The following UBA5 variants were observed in gnomAD, a reference collection of about 807,000 sequenced individuals.
UBA5 encodes the protein ubiquitin like modifier activating enzyme 5.
In UBA5, 28 loss-of-function variants were observed where a neutral mutation model predicts 52.9. The observed-to-expected ratio is 0.53, with a 90% confidence interval of 0.39 to 0.73. The LOEUF (loss-of-function observed/expected upper bound fraction) is 0.73, where lower values mean the gene tolerates loss of function less well. Ranked by LOEUF, UBA5 falls within the 30% of genes least tolerant of loss-of-function variation. The pLI is 0.00. For missense variants in UBA5, 388 were observed against 492.7 expected, an observed-to-expected ratio of 0.79 and a Z score of 2.01; for synonymous variants, 135 against 162.1, an observed-to-expected ratio of 0.83 and a Z score of 1.27.
At chr3:132,655,048 T>A (rs916947695) in intron 1 of UBA5, among the ~76,000 whole-genome samples, 1 of 152,114 alleles carries the variant, frequency 6.6e-6, no homozygotes, top group Non-Finnish European at 1.5e-5. Context: ...CATTTAAACA[T>A]AGAAAAGGTA....
chr3:132,665,543 T>G (rs940832982), intron 1 of UBA5, among the ~76,000 whole-genome samples: 2 of 152,108 alleles, frequency 1.3e-5, no homozygotes, highest in African/African-American at 4.8e-5. Context: ...ACTTTGACCC[T>G]TAACATTTAA....
Position 132,660,913 on chromosome 3 carries a change from G to T in UBA5, c.161+215G>T. ...AAAACCTCCAGTGAGTCAGCCATATGGTGCTGCTCCTGTGCCTGCTGAGGA... is the reference window on the plus strand; with the variant it reads ...AAAACCTCCAGTGAGTCAGCCATATTGTGCTGCTCCTGTGCCTGCTGAGGA... On this transcript the variant is annotated intron_variant, in intron 1 of 11. Coordinates refer to ENST00000356232, the MANE Select transcript of UBA5 (RefSeq NM_024818.6). The surrounding 1 kb of genome is among the most constrained non-coding windows in gnomAD (Gnocchi z 4.1). The T allele has an allele frequency of 6.8e-7, 1 of 1,471,704 alleles. No homozygotes were observed. The highest frequency in any genetic ancestry group is 9.0e-7 in the Non-Finnish European group (1 of 1,114,492). 91.2% of individuals were successfully genotyped at this position (1,471,704 alleles called of 1,614,324 possible).
intron 1 of UBA5, among the ~76,000 whole-genome samples, chr3:132,663,523 G>C (rs1376223810): frequency 2.0e-5 from 3 of 152,102 alleles, no homozygotes; most frequent in Non-Finnish European, 4.4e-5. Context: ...TCCAACAGCT[G>C]ATCGTGGGGT....
chr3:132,675,377 AT>A lies in UBA5; in HGVS notation c.943del (p.Tyr315IlefsTer5). 6.2e-7 allele frequency: 1 copy of A among 1,613,526 alleles called. No homozygotes were observed. Among genetic ancestry groups the A allele is most frequent in the Non-Finnish European group, 8.5e-7 (1 of 1,179,720 alleles). ...DRNCRKQQEEYKKKVAALPKQ... is the reference protein window; with the variant it reads ...DRNCRKQQEEXKKKVAALPKQ... ...GAAATTGCAGGAAGCAGCAGGAGGA[AT>A]ATAAGGTATATGACAATCTGTTAGA... On this transcript the variant is annotated frameshift_variant, in exon 9 of 12. Transcript: ENST00000356232. LOFTEE classifies it high-confidence loss of function.
rs145658118 is a variant in UBA5, at chr3:132,673,873, C to T, written c.813-1375C>T. ...GTAGAAACAAAGTCTCCTTGTTTTC[C>T]AGGCTGGTCTTGAACTCCTGGGCTC... On this transcript the variant is annotated intron_variant, in intron 8 of 11. Transcript: ENST00000356232. 1.2e-3 allele frequency among the ~76,000 whole-genome samples: 183 copies of T among 152,196 alleles called. 1 individual carries two copies. The highest frequency in any genetic ancestry group is 3.8e-3 in the African/African-American group (157 of 41,542).
chr3:132,663,758 T>TA (rs1377596200), intron 1 of UBA5, among the ~76,000 whole-genome samples: 1 of 152,118 alleles, frequency 6.6e-6, no homozygotes, highest in African/African-American at 2.4e-5. Context: ...AAGAAACTTC[T>TA]AACATGAAAG....
At chr3:132,669,211 A>G (rs1160127264) in intron 4 of UBA5, among the ~76,000 whole-genome samples, 1 of 152,198 alleles carries the variant, frequency 6.6e-6, no homozygotes, top group Non-Finnish European at 1.5e-5. Context: ...GTGCTCCAAG[A>G]AAATTCTATT....
At chr3:132,659,595 A>T (rs774782762), upstream of UBA5, 35 of 1,610,266 alleles carry the variant, frequency 2.2e-5, no homozygotes, top group South Asian at 2.5e-4. Context: ...AAAGGCTGAC[A>T]TCCATACCTG....
intron 3 of UBA5, chr3:132,668,286 T>C (rs1938463032): frequency 6.6e-6 from 1 of 152,356 alleles, no homozygotes; most frequent in South Asian, 2.1e-4. Flanking sequence ...GTTTTAGCCA[T>C]GTCACTGGTA....
In UBA5 at chr3:132,677,083, T is replaced by TG; in HGVS notation, c.*558dup. 3.8e-6 allele frequency: 1 copy of TG among 265,158 alleles called. No homozygotes were observed. The highest frequency in any genetic ancestry group is 7.7e-6 in the Non-Finnish European group (1 of 130,100). The allele number at this position is 265,158 out of a possible 1,614,324, so 16.4% of individuals were successfully genotyped here. A position where few individuals can be genotyped will look rare whatever the true frequency, so the allele number is the denominator to read the frequency against. On this transcript the variant is annotated 3_prime_UTR_variant, in exon 12 of 12. Transcript: ENST00000356232. ...TAACATCCTCTCAAATGTTTGCTGA[T>TG]GAAGTACAAGTTGAAATGTAGTTAT...
At chr3:132,662,726 T>C (rs561854761) in intron 1 of UBA5, among the ~76,000 whole-genome samples, 14 of 152,262 alleles carry the variant, frequency 9.2e-5, no homozygotes, top group African/African-American at 3.1e-4. Context: ...GTTATAAGCA[T>C]GTGGAAAAAT....
chr3:132,675,330 C>T lies in UBA5; in HGVS notation c.895C>T (p.Pro299Ser), dbSNP rs767107499. ...TTTTTTTCCTACTATGTCCATGAAG[C>T]CAAATCCTCAGTGTGATGACAGAAA... ...QDFFPTMSMKPNPQCDDRNCR... is the reference protein window; with the variant it reads ...QDFFPTMSMKSNPQCDDRNCR... The change falls in exon 9 of 12, where the codon CCA (proline) becomes TCA (serine). Residue 299 changes from proline to serine, a missense_variant. Physicochemically the swap from Pro to Ser is moderately conservative, Grantham distance 74. Coordinates refer to ENST00000356232, the MANE Select transcript of UBA5 (RefSeq NM_024818.6). 2.9e-5 allele frequency: 47 copies of T among 1,613,382 alleles called. No individual in the cohort carries two copies. Among genetic ancestry groups the T allele is most frequent in the Non-Finnish European group, 3.9e-5 (46 of 1,179,748 alleles).
At chr3:132,675,436 C>T (rs1348724934) in intron 9 of UBA5, 53 bp downstream of exon 9, 2 of 1,576,604 alleles carry the variant, frequency 1.3e-6, no homozygotes, top group Non-Finnish European at 1.7e-6. Flanking sequence ...TAGGACAATA[C>T]ATAAACAGAT....
Position 132,660,882 on chromosome 3 carries a change from T to C in UBA5, c.161+184T>C, listed in dbSNP as rs893926990. On this transcript the variant is annotated intron_variant, in intron 1 of 11. Transcript: ENST00000356232. The surrounding 1 kb of genome is among the most constrained non-coding windows in gnomAD (Gnocchi z 4.1). Reference sequence around the variant, plus strand: ...ACTGATCGGAAGATATTCTTTCTCTTTTTTAAAAACCTCCAGTGAGTCAGC... The same window carrying C: ...ACTGATCGGAAGATATTCTTTCTCTCTTTTAAAAACCTCCAGTGAGTCAGC... 9.0e-6 allele frequency: 13 copies of C among 1,443,864 alleles called. No homozygotes were observed. In the African/African-American group the frequency reaches 1.9e-4, roughly 21 times the overall value. 89.4% of individuals were successfully genotyped at this position (1,443,864 alleles called of 1,614,324 possible).
upstream of UBA5, among the ~76,000 whole-genome samples, chr3:132,658,946 G>T (rs1006176101): frequency 1.3e-5 from 2 of 152,184 alleles, no homozygotes; most frequent in East Asian, 1.9e-4. Flanking sequence ...GACAGATCCA[G>T]TTTTCTGAAT....
upstream of UBA5, chr3:132,659,917 C>T: frequency 2.7e-6 from 2 of 739,532 alleles, no homozygotes; most frequent in Non-Finnish European, 4.0e-6. Context: ...AACGCTTGCC[C>T]GCTGAATCCC....
intron 8 of UBA5, among the ~76,000 whole-genome samples, chr3:132,673,823 C>G (rs1316890883): frequency 6.6e-6 from 1 of 152,100 alleles, no homozygotes; most frequent in Non-Finnish European, 1.5e-5. Flanking sequence ...CACCACCACG[C>G]CCAGCTAATG....
chr3:132,678,135 A>G lies in UBA5; in HGVS notation c.*1609A>G, dbSNP rs549000159. 1 of 152,292 alleles carries G rather than the reference A, an allele frequency of 6.6e-6. No individual in the cohort carries two copies. The highest frequency in any genetic ancestry group is 1.9e-4 in the East Asian group (1 of 5,192). 9.4% of individuals were successfully genotyped at this position (152,292 alleles called of 1,614,324 possible). A position where few individuals can be genotyped will look rare whatever the true frequency, so the allele number is the denominator to read the frequency against. ...CACTGTCTTCTTTTATCTGCTCTCAAGTTGGCATTGCATCACTGCCTGTGT... is the reference window on the plus strand; with the variant it reads ...CACTGTCTTCTTTTATCTGCTCTCAGGTTGGCATTGCATCACTGCCTGTGT... On this transcript the variant is annotated 3_prime_UTR_variant, in exon 12 of 12. Transcript: ENST00000356232.
chr3:132,667,364 C>T (rs1938421252), intron 3 of UBA5: 1 of 152,058 alleles, frequency 6.6e-6, no homozygotes, highest in African/African-American at 2.4e-5. Context: ...GTTAGAATCA[C>T]CTGGGAAGTT....
Sources: gnomAD v4.1 joint callset for allele counts (sites outside exome capture counted in the v4.1 genomes callset) on GRCh38, gnomAD v4.1.1 for gene constraint, Gnocchi (gnomAD v3.1) non-coding constraint, MANE v1.5 for transcripts, NCBI Gene and HGNC (gene_info 2026-07-23, HGNC 2026-07-21) for gene names.